RBBP8: variants seen among roughly 807,000 people sequenced by gnomAD.
The protein encoded by RBBP8 is DNA endonuclease RBBP8.
A neutral mutation model predicts 108.3 loss-of-function variants in RBBP8; 88 were observed. That is an observed-to-expected ratio of 0.81 (90% CI 0.68 to 0.97). RBBP8 has a LOEUF of 0.97. RBBP8 is among the 50% of genes least tolerant of loss of function. The pLI, the probability that RBBP8 is intolerant of heterozygous loss-of-function variation, is 0.00. For missense variants in RBBP8, 1,023 were observed against 1,049.0 expected (o/e 0.98, Z 0.34); for synonymous variants, 332 against 348.2 (o/e 0.95, Z 0.52).
Position 22,951,830 on chromosome 18 carries a change from T to A in RBBP8, c.248+2117T>A, listed in dbSNP as rs887871370. ...ATATTTATCAGTTTATTACAAAAAATTTGTTAAAGGTTACAAGTCAACAGC... is the reference window on the plus strand; with the variant it reads ...ATATTTATCAGTTTATTACAAAAAAATTGTTAAAGGTTACAAGTCAACAGC... On this transcript the variant is annotated intron_variant, in intron 4 of 18. Transcript: ENST00000327155. Among the ~76,000 whole-genome samples the A allele has an allele frequency of 3.7e-4, 56 of 152,270 alleles. No individual in the cohort carries two copies. In the East Asian group the frequency reaches 6.2e-3, roughly 17 times the overall value.
chr18:22,935,957 C>G (rs754891164), intron 1 of RBBP8, among the ~76,000 whole-genome samples: 7 of 152,044 alleles, frequency 4.6e-5, no homozygotes, highest in Non-Finnish European at 8.8e-5. Flanking sequence ...TTATACAGAT[C>G]CTCATCTGTG....
At position 23,023,869 on chromosome 18, in the gene RBBP8, C is replaced by CTTTTTTTTTTTTTT; in HGVS notation, c.2596+1607_2596+1620dup. 2.3e-5 allele frequency among the ~76,000 whole-genome samples: 2 copies of CTTTTTTTTTTTTTT among 86,118 alleles called. 1 individual carries two copies. The highest frequency in any genetic ancestry group is 4.1e-5 in the Non-Finnish European group (2 of 49,066). The allele number at this position is 86,118 out of a possible 152,430, so 56.5% of individuals were successfully genotyped here. ...TAATAGCTAGTTTTTATGAAGGGGC[C>CTTTTTTTTTTTTTT]TTTTTTTTTTTTTTTTTTTTTGAGA... On this transcript the variant is annotated intron_variant, in intron 18 of 18. Coordinates refer to ENST00000327155, the MANE Select transcript of RBBP8 (RefSeq NM_002894.3).
At chr18:23,019,489 T>C (rs923565259) in intron 17 of RBBP8, among the ~76,000 whole-genome samples, 2 of 152,214 alleles carry the variant, frequency 1.3e-5, no homozygotes, top group Admixed American at 6.6e-5. Context: ...ATTCTGCAAG[T>C]GGAGTGTGCA....
rs1363051782 is a variant in RBBP8 at position 22,993,111 on chromosome 18, T to C, written c.1284T>C (p.Ser428=). ...ATAGGACTGAGTACGGTAAAGATTC[T>C]AACACTGATAAACATTTGGAGCCCC... ...EQNRTEYGKD[S]NTDKHLEPLK... The change falls in exon 11 of 19, where the codon TCT becomes TCC. Residue 428 remains serine (S), a synonymous_variant. Transcript: ENST00000327155. 3 of 1,614,098 alleles carry C rather than the reference T, an allele frequency of 1.9e-6. No homozygotes were observed. The highest frequency in any genetic ancestry group is 8.5e-7 in the Non-Finnish European group (1 of 1,179,976).
chr18:22,964,650 A>G (rs898781806), intron 4 of RBBP8, among the ~76,000 whole-genome samples: 5 of 147,696 alleles, frequency 3.4e-5, no homozygotes, highest in African/African-American at 7.6e-5. Flanking sequence ...ATTTTATTTT[A>G]TTTTATTTTG....
At chr18:22,942,623 A>C (rs937085950) in intron 2 of RBBP8, among the ~76,000 whole-genome samples, 4 of 152,092 alleles carry the variant, frequency 2.6e-5, no homozygotes, top group African/African-American at 9.7e-5. Flanking sequence ...TGCTGCTAGT[A>C]TCAGTGTCAC....
chr18:22,973,518 C>T (rs1415918201), intron 5 of RBBP8, among the ~76,000 whole-genome samples: 1 of 152,174 alleles, frequency 6.6e-6, no homozygotes, highest in Non-Finnish European at 1.5e-5. Flanking sequence ...TGTTTATCCA[C>T]CTCTACATAG....
intron 4 of RBBP8, among the ~76,000 whole-genome samples, chr18:22,958,217 G>A (rs183675677): frequency 1.6e-3 from 248 of 152,290 alleles, no homozygotes; most frequent in African/African-American, 5.6e-3. Flanking sequence ...GATTCTAGAA[G>A]TTGGAAAATA....
chr18:22,989,601 C>T (rs1915546333), intron 9 of RBBP8, among the ~76,000 whole-genome samples: 2 of 151,754 alleles, frequency 1.3e-5, no homozygotes, highest in African/African-American at 4.8e-5. Context: ...CTCATGCCCC[C>T]TCCCTGCCCT....
chr18:22,947,666 T>A (rs1911684136), intron 3 of RBBP8, among the ~76,000 whole-genome samples: 1 of 152,040 alleles, frequency 6.6e-6, no homozygotes, highest in Non-Finnish European at 1.5e-5. Context: ...AACTCTTCCT[T>A]TGGATGAGGT....
At chr18:22,990,845 C>A in intron 9 of RBBP8, 92 bp from the exon 10 acceptor site, 1 of 910,030 alleles carries the variant, frequency 1.1e-6, no homozygotes, top group Non-Finnish European at 1.8e-6. Flanking sequence ...TTTTGAGGTT[C>A]ATCTACATCA....
At chr18:22,992,155 C>T (rs1320088008) in intron 10 of RBBP8, among the ~76,000 whole-genome samples, 5 of 152,148 alleles carry the variant, frequency 3.3e-5, no homozygotes, top group Non-Finnish European at 7.4e-5. Flanking sequence ...TGGAGTTACT[C>T]ATGATCAAAT....
intron 10 of RBBP8, among the ~76,000 whole-genome samples, chr18:22,991,287 G>A (rs546289789): frequency 2.4e-4 from 36 of 152,270 alleles, no homozygotes; most frequent in Non-Finnish European, 4.0e-4. Flanking sequence ...AGCAGTACTT[G>A]TTCCCAGTAC....
chr18:22,949,735 T>G, intron 4 of RBBP8, 22 bp downstream of exon 4: 1 of 1,522,548 alleles, frequency 6.6e-7, no homozygotes, highest in Non-Finnish European at 9.1e-7. Flanking sequence ...ACTTAGGTCT[T>G]GAGTAAGAAG....
intron 12 of RBBP8, among the ~76,000 whole-genome samples, chr18:22,994,397 C>T (rs1362700826): frequency 1.3e-5 from 2 of 149,268 alleles, no homozygotes; most frequent in Admixed American, 6.6e-5. Flanking sequence ...AATCCCAGCA[C>T]TTTGGGAGGC....
chr18:23,003,830 G>A (rs565420226), intron 15 of RBBP8, among the ~76,000 whole-genome samples: 6 of 152,076 alleles, frequency 3.9e-5, no homozygotes, highest in South Asian at 2.1e-4. Flanking sequence ...TGGCCAAGGC[G>A]GGCGGATCAC....
intron 1 of RBBP8, among the ~76,000 whole-genome samples, chr18:22,914,491 G>A (rs1049618783): frequency 1.3e-5 from 2 of 152,014 alleles, no homozygotes; most frequent in Admixed American, 6.6e-5. Flanking sequence ...AAGGTTATTT[G>A]GTATATAATA....
intron 2 of RBBP8, among the ~76,000 whole-genome samples, chr18:22,938,448 A>G (rs558211755): frequency 3.3e-5 from 5 of 152,242 alleles, no homozygotes; most frequent in South Asian, 2.1e-4. Context: ...TGGCCTCCCA[A>G]ACAGCTAGGA....
intron 4 of RBBP8, among the ~76,000 whole-genome samples, chr18:22,963,898 A>G (rs749872213): frequency 6.6e-6 from 1 of 152,140 alleles, no homozygotes; most frequent in African/African-American, 2.4e-5. Flanking sequence ...CCTTGTCTCA[A>G]AAAAAGAGTA....
Sources: allele counts gnomAD v4.1 joint callset (sites outside exome capture counted in the v4.1 genomes callset), GRCh38; gene constraint gnomAD v4.1.1; transcripts MANE v1.5; gene names NCBI Gene and HGNC (gene_info 2026-07-23, HGNC 2026-07-21).